The following THSD7B variants were observed in gnomAD, a reference collection of about 807,000 sequenced individuals.
THSD7B encodes thrombospondin type-1 domain-containing protein 7B.
THSD7B carries 138 observed loss-of-function variants against 213.6 expected under a neutral mutation model. The ratio of observed to expected loss-of-function variants is 0.65; its 90% CI spans 0.56 to 0.74. THSD7B has a LOEUF of 0.74. Ranked by LOEUF, THSD7B falls within the 30% of genes least tolerant of loss-of-function variation. The pLI is 0.00. For missense variants in THSD7B, 1,931 were observed against 1,991.5 expected (o/e 0.97, Z 0.58); for synonymous variants, 742 against 687.0 (o/e 1.08, Z -1.25).
At chr2:137,408,049 A>T (rs911296529) in intron 13 of THSD7B, among the ~76,000 whole-genome samples, 2 of 151,976 alleles carry the variant, frequency 1.3e-5, no homozygotes, top group Admixed American at 6.6e-5. Context: ...ACTTGTTCTG[A>T]ATCCAAAGGT....
intron 2 of THSD7B, among the ~76,000 whole-genome samples, chr2:136,960,271 G>A (rs1331342549): frequency 2.6e-5 from 4 of 152,096 alleles, no homozygotes; most frequent in Non-Finnish European, 4.4e-5. Context: ...GGGACTATAG[G>A]CATGCGCCAC....
At chr2:137,480,904 C>G (rs1688292136) in intron 15 of THSD7B, among the ~76,000 whole-genome samples, 1 of 152,208 alleles carries the variant, frequency 6.6e-6, no homozygotes, top group East Asian at 1.9e-4. Flanking sequence ...CCTCCAAAAT[C>G]TTGTTGAAAC....
At chr2:136,810,651 G>T (rs1348115112) in intron 1 of THSD7B, among the ~76,000 whole-genome samples, 1 of 152,202 alleles carries the variant, frequency 6.6e-6, no homozygotes, top group Non-Finnish European at 1.5e-5. Context: ...TTTTCTGCTA[G>T]TGCAATGGGC....
At chr2:136,972,226 G>A (rs183717480) in intron 2 of THSD7B, among the ~76,000 whole-genome samples, 2 of 152,054 alleles carry the variant, frequency 1.3e-5, no homozygotes, top group South Asian at 2.1e-4. Flanking sequence ...AAGTGCTGAG[G>A]GGTAGTGAGA....
intron 2 of THSD7B, among the ~76,000 whole-genome samples, chr2:137,032,974 C>G (rs1686703204): frequency 6.6e-6 from 1 of 152,124 alleles, no homozygotes; most frequent in South Asian, 2.1e-4. Flanking sequence ...GGAAATATCT[C>G]TAAAACATCT....
At chr2:137,237,718 G>C (rs1383905923) in intron 9 of THSD7B, among the ~76,000 whole-genome samples, 1 of 152,182 alleles carries the variant, frequency 6.6e-6, no homozygotes, top group Non-Finnish European at 1.5e-5. Flanking sequence ...GCCAAAGACT[G>C]TATTTTTGAA....
intron 1 of THSD7B, among the ~76,000 whole-genome samples, chr2:136,852,475 C>T: frequency 6.6e-6 from 1 of 152,168 alleles, no homozygotes; most frequent in East Asian, 1.9e-4. Context: ...GCCTTGCTAA[C>T]ACCATGCCTT....
At chr2:137,675,208 C>A (rs1401144438) in intron 27 of THSD7B, among the ~76,000 whole-genome samples, 1 of 151,824 alleles carries the variant, frequency 6.6e-6, no homozygotes, top group Non-Finnish European at 1.5e-5. Flanking sequence ...TGGAAGAGTG[C>A]AGAGTTGCCT....
chr2:137,165,042 G>C (rs1050723984), intron 6 of THSD7B, among the ~76,000 whole-genome samples: 1 of 152,052 alleles, frequency 6.6e-6, no homozygotes. Flanking sequence ...AAAAAAGAAA[G>C]AGTGAAAGAA....
At chr2:136,918,977 A>G (rs1035245098) in intron 2 of THSD7B, among the ~76,000 whole-genome samples, 1 of 152,192 alleles carries the variant, frequency 6.6e-6, no homozygotes, top group Non-Finnish European at 1.5e-5. Context: ...TATGCTCTTC[A>G]TGAAGGTGTT....
intron 21 of THSD7B, among the ~76,000 whole-genome samples, chr2:137,647,704 C>T (rs141710492): frequency 1.3e-5 from 2 of 152,092 alleles, no homozygotes; most frequent in African/African-American, 4.8e-5. Flanking sequence ...AGTGCCTCTC[C>T]TTTCTTTCCT....
chr2:137,132,909 G>A (rs1441817086), intron 5 of THSD7B, among the ~76,000 whole-genome samples: 1 of 152,210 alleles, frequency 6.6e-6, no homozygotes, highest in Non-Finnish European at 1.5e-5. Flanking sequence ...TTCTATAAAA[G>A]CCCTTCAAAA....
chr2:137,646,593 A>C (rs1271201145), intron 21 of THSD7B, among the ~76,000 whole-genome samples: 1 of 149,944 alleles, frequency 6.7e-6, no homozygotes, highest in South Asian at 2.1e-4. Context: ...CGGAGGTTGG[A>C]GTGAGCTGAG....
At chr2:136,861,567 C>T (rs762809609) in intron 1 of THSD7B, among the ~76,000 whole-genome samples, 14 of 152,286 alleles carry the variant, frequency 9.2e-5, no homozygotes, top group Middle Eastern at 3.4e-3. Context: ...TTTGTTTTCC[C>T]ATGAATCTGG....
At chr2:137,069,996 C>A (rs1198195741) in intron 3 of THSD7B, among the ~76,000 whole-genome samples, 1 of 151,188 alleles carries the variant, frequency 6.6e-6, no homozygotes, top group Non-Finnish European at 1.5e-5. Context: ...TTATTTCCAC[C>A]TCCTCATCCA....
chr2:137,154,432 A>G (rs1267190102), intron 5 of THSD7B, among the ~76,000 whole-genome samples: 1 of 152,186 alleles, frequency 6.6e-6, no homozygotes, highest in Non-Finnish European at 1.5e-5. Flanking sequence ...TGACTCTTAT[A>G]GTACCTCTTT....
intron 5 of THSD7B, among the ~76,000 whole-genome samples, chr2:137,140,729 A>G (rs1325763626): frequency 6.6e-6 from 1 of 152,288 alleles, no homozygotes; most frequent in African/African-American, 2.4e-5. Flanking sequence ...AACTGTTTTC[A>G]TTACTTGGAA....
At chr2:137,183,068 G>C (rs190423794) in intron 7 of THSD7B, among the ~76,000 whole-genome samples, 18 of 152,224 alleles carry the variant, frequency 1.2e-4, no homozygotes, top group Admixed American at 1.0e-3. Context: ...GTATCAGTTA[G>C]TGGAAATGAC....
intron 7 of THSD7B, among the ~76,000 whole-genome samples, chr2:137,191,052 A>G (rs2105014592): frequency 6.6e-6 from 1 of 152,284 alleles, no homozygotes; most frequent in African/African-American, 2.4e-5. Flanking sequence ...TGCCCTTACA[A>G]AAGATCCTGG....
Sources: gnomAD v4.1 joint callset for allele counts (sites outside exome capture counted in the v4.1 genomes callset) on GRCh38, gnomAD v4.1.1 for gene constraint, MANE v1.5 for transcripts, NCBI Gene and HGNC (gene_info 2026-07-23, HGNC 2026-07-21) for gene names.